Variants in ZNF717 observed in about 807,000 individuals in gnomAD.
ZNF717 encodes the protein krueppel-like factor X17.
ZNF717 carries 9 observed loss-of-function variants against 13.8 expected under a neutral mutation model. The observed-to-expected ratio is 0.65, with a 90% CI of 0.39 to 1.14. The LOEUF is 1.14. ZNF717 is among the 50% of genes most tolerant of loss of function. The probability of loss-of-function intolerance (pLI) is 0.01; values close to 1 mark genes in which losing one functional copy is unlikely to be tolerated. For missense variants in ZNF717, 1,040 were observed against 1,080.7 expected, an observed-to-expected ratio of 0.96 and a Z score of 0.53; for synonymous variants, 327 against 364.1, an observed-to-expected ratio of 0.90 and a Z score of 1.16.
At chr3:75,749,317 G>T (rs1255268576) in intron 2 of ZNF717, among the ~76,000 whole-genome samples, 1 of 151,410 alleles carries the variant, frequency 6.6e-6, no homozygotes, top group Non-Finnish European at 1.5e-5. Context: ...CCCTTACATA[G>T]AATTCCAGAA....
chr3:75,771,199 A>C (rs1943845661), intron 2 of ZNF717, among the ~76,000 whole-genome samples: 1 of 152,194 alleles, frequency 6.6e-6, no homozygotes. Context: ...CAAATAAGGC[A>C]AATGCTAAGC....
intron 2 of ZNF717, among the ~76,000 whole-genome samples, chr3:75,779,773 T>C (rs1308274144): frequency 1.4e-5 from 2 of 140,190 alleles, no homozygotes; most frequent in African/African-American, 2.7e-5. Flanking sequence ...CCCAAAACAA[T>C]GGGAGTGATG....
chr3:75,753,653 C>T (rs1364638228), intron 2 of ZNF717, among the ~76,000 whole-genome samples: 12 of 150,656 alleles, frequency 8.0e-5, no homozygotes, highest in African/African-American at 3.0e-4. Flanking sequence ...TTGTCCCTCA[C>T]ATAGGATTCC....
At chr3:75,728,058 A>G (rs1265840019), downstream of ZNF717, among the ~76,000 whole-genome samples, 1 of 152,270 alleles carries the variant, frequency 6.6e-6, no homozygotes, top group Non-Finnish European at 1.5e-5. Flanking sequence ...CTGCAGATCA[A>G]GTAGGGAAAG....
chr3:75,750,321 T>C (rs1164251325), intron 2 of ZNF717, among the ~76,000 whole-genome samples: 10 of 148,060 alleles, frequency 6.8e-5, no homozygotes, highest in Admixed American at 2.7e-4. Flanking sequence ...GTCCCTCACA[T>C]AGGATTACAG....
intron 2 of ZNF717, among the ~76,000 whole-genome samples, chr3:75,773,349 A>C (rs1361089352): frequency 6.6e-6 from 1 of 152,264 alleles, no homozygotes; most frequent in Non-Finnish European, 1.5e-5. Flanking sequence ...CAGAAACGGC[A>C]AAATCTTACT....
At chr3:75,706,115 C>T (rs1172751894), downstream of ZNF717, among the ~76,000 whole-genome samples, 7 of 152,318 alleles carry the variant, frequency 4.6e-5, no homozygotes, top group Non-Finnish European at 7.4e-5. Context: ...AAATTACAAT[C>T]ATTTGACTCC....
chr3:75,751,775 CTA>C (rs1941847177), intron 2 of ZNF717, among the ~76,000 whole-genome samples: 1 of 151,786 alleles, frequency 6.6e-6, no homozygotes, highest in East Asian at 1.9e-4. Flanking sequence ...CAGAACAATG[CTA>C]TGACTGTATG....
At chr3:75,782,765 G>A (rs561638059) in intron 2 of ZNF717, among the ~76,000 whole-genome samples, 6 of 151,990 alleles carry the variant, frequency 3.9e-5, no homozygotes, top group Non-Finnish European at 7.4e-5. Context: ...AGCGGACGAT[G>A]ACCGTTTCCA....
chr3:75,776,071 C>A (rs1346534101), intron 2 of ZNF717, among the ~76,000 whole-genome samples: 1 of 152,208 alleles, frequency 6.6e-6, no homozygotes, highest in Non-Finnish European at 1.5e-5. Context: ...TGCCATGCAC[C>A]TAATTTGGAG....
chr3:75,762,417 G>T (rs1943111832), intron 2 of ZNF717, among the ~76,000 whole-genome samples: 1 of 147,068 alleles, frequency 6.8e-6, no homozygotes, highest in Admixed American at 6.9e-5. Context: ...CTCCAGCCTG[G>T]GAGACAGAGC....
rs1463158622 is a variant in ZNF717, at chr3:75,737,797, T to C, written c.1826A>G (p.His609Arg). The change falls in exon 5 of 5, where the codon CAC becomes CGC. Residue 609 changes from histidine (H) to arginine (R), a missense_variant. Physicochemically the swap from His to Arg is conservative, Grantham distance 29. This residue lies in a region of ZNF717 where 873 missense variants were observed against 832.8 expected (regional missense o/e 1.05). Coordinates refer to ENST00000652011, the MANE Select transcript of ZNF717 (RefSeq NM_001290208.3). ...TFINKLNLGI[H>R]KRTHTGERPY... is the part of the protein sequence containing the mutation. ...TCTTTCCCCTGTGTGAGTTCTCTTG[T>C]GTATCCCAAGGTTTAACTTATTGAT... 2.8e-5 allele frequency: 44 copies of C among 1,551,634 alleles called. No homozygotes were observed. The African/African-American group carries it at 5.5e-4, about 19-fold the overall frequency.
At chr3:75,712,085 G>A (rs1289348001) in intron 5 of ZNF717, among the ~76,000 whole-genome samples, 1 of 152,210 alleles carries the variant, frequency 6.6e-6, no homozygotes, top group Admixed American at 6.5e-5. Context: ...CAGCAGAGTT[G>A]GAACCACAGA....
intron 2 of ZNF717, among the ~76,000 whole-genome samples, chr3:75,767,612 G>A (rs1428554986): frequency 6.6e-6 from 1 of 152,192 alleles, no homozygotes; most frequent in Non-Finnish European, 1.5e-5. Context: ...ATTGGAAACT[G>A]GAGAAAAGGC....
intron 2 of ZNF717, among the ~76,000 whole-genome samples, chr3:75,772,422 T>G (rs528691154): frequency 3.9e-5 from 6 of 151,920 alleles, no homozygotes; most frequent in Non-Finnish European, 8.8e-5. Flanking sequence ...CTGTGGCCCT[T>G]CAGGGAACCC....
chr3:75,764,841 T>A (rs1943306502), intron 2 of ZNF717, among the ~76,000 whole-genome samples: 1 of 151,844 alleles, frequency 6.6e-6, no homozygotes, highest in Admixed American at 6.5e-5. Flanking sequence ...GACCATATGA[T>A]CCAGCCATCC....
chr3:75,719,259 T>C (rs1375299265), intron 4 of ZNF717, among the ~76,000 whole-genome samples: 3 of 147,420 alleles, frequency 2.0e-5, no homozygotes, highest in Non-Finnish European at 4.4e-5. Flanking sequence ...TGCACCAGCC[T>C]GGGTGATAGA....
chr3:75,700,838 A>G (rs1185706704), intron 6 of ZNF717, among the ~76,000 whole-genome samples: 14 of 152,302 alleles, frequency 9.2e-5, no homozygotes, highest in Non-Finnish European at 1.9e-4. Flanking sequence ...TCAAATTTTT[A>G]CAAGAAAACA....
intron 2 of ZNF717, among the ~76,000 whole-genome samples, chr3:75,749,328 C>T (rs1941473287): frequency 6.6e-6 from 1 of 151,826 alleles, no homozygotes; most frequent in African/African-American, 2.4e-5. Flanking sequence ...AATTCCAGAA[C>T]ACTGCTGCTG....
Sources: allele counts gnomAD v4.1 joint callset (sites outside exome capture counted in the v4.1 genomes callset), GRCh38; gene constraint gnomAD v4.1.1; regional missense constraint gnomAD v4.1.1; transcripts MANE v1.5; gene names NCBI Gene and HGNC (gene_info 2026-07-23, HGNC 2026-07-21).